The following RBFOX1 variants were observed in gnomAD, a reference collection of about 807,000 sequenced individuals.
The protein encoded by RBFOX1 is RNA binding fox-1 homolog 1.
A neutral mutation model predicts 57.7 loss-of-function variants in RBFOX1; 8 were observed. That is an observed-to-expected ratio of 0.14 (90% CI 0.08 to 0.25). The LOEUF (loss-of-function observed/expected upper bound fraction) is 0.25. RBFOX1 is among the 10% of genes least tolerant of loss of function. The probability of loss-of-function intolerance (pLI) is 1.00; values close to 1 mark genes in which losing one functional copy is unlikely to be tolerated. For missense variants in RBFOX1, 611 were observed against 548.5 expected (o/e 1.11, Z -1.14); for synonymous variants, 326 against 222.4 (o/e 1.47, Z -4.15).
chr16:6,822,970 G>C (rs889827119), intron 3 of RBFOX1, among the ~76,000 whole-genome samples: 2 of 152,174 alleles, frequency 1.3e-5, no homozygotes, highest in Non-Finnish European at 2.9e-5. Context: ...AAAAAACGAT[G>C]ATCCCTAACA....
At chr16:6,768,370 T>C (rs1219020656) in intron 3 of RBFOX1, among the ~76,000 whole-genome samples, 2 of 152,088 alleles carry the variant, frequency 1.3e-5, no homozygotes, top group African/African-American at 4.8e-5. Context: ...GTAGATGGTG[T>C]AGTTTTCTTA....
intron 4 of RBFOX1, among the ~76,000 whole-genome samples, chr16:7,093,410 C>A (rs550284119): frequency 6.6e-6 from 1 of 152,138 alleles, no homozygotes; most frequent in Admixed American, 6.5e-5. Flanking sequence ...GCATACCCAG[C>A]CCACTTCTTC....
Position 5,768,037 on chromosome 16 carries a change from A to G in RBFOX1, c.319-99266A>G, listed in dbSNP as rs187974011. Among the ~76,000 whole-genome samples the G allele has an allele frequency of 7.0e-4, 107 of 152,294 alleles. 1 individual carries two copies. The South Asian group carries it at 0.018, about 26-fold the overall frequency. On this transcript the variant is annotated intron_variant, in intron 3 of 19. Coordinates refer to the RBFOX1 transcript ENST00000641259. ...AATGTATAGCTCACCCAGCTATGCA[A>G]TTATCCAAAAATAACCCATTTCTAT...
intron 3 of RBFOX1, among the ~76,000 whole-genome samples, chr16:6,676,522 C>T (rs1034133185): frequency 3.9e-5 from 6 of 152,060 alleles, no homozygotes; most frequent in African/African-American, 1.4e-4. Flanking sequence ...GATCATTACA[C>T]ATTCTATGCA....
At position 7,191,054 on chromosome 16, in the gene RBFOX1, C is replaced by T. The variant is rs886833799; in HGVS notation, c.27+138956C>T. ...TAGATGATCAATCCTATTCGGGGACCCCTTGGATGTGAGTGTGATATCATT... is the reference window on the plus strand; with the variant it reads ...TAGATGATCAATCCTATTCGGGGACTCCTTGGATGTGAGTGTGATATCATT... On this transcript the variant is annotated intron_variant, in intron 4 of 15. Transcript: ENST00000550418. 3.9e-5 allele frequency among the ~76,000 whole-genome samples: 6 copies of T among 151,996 alleles called. No individual in the cohort carries two copies. The South Asian group carries it at 6.2e-4, about 16-fold the overall frequency.
chr16:7,083,635 A>T (rs1470712291), intron 4 of RBFOX1, among the ~76,000 whole-genome samples: 1 of 152,090 alleles, frequency 6.6e-6, no homozygotes, highest in Admixed American at 6.6e-5. Flanking sequence ...TACATTATTC[A>T]TTTTTAATCA....
chr16:6,556,004 G>GTCCT (rs1281548145), intron 2 of RBFOX1, among the ~76,000 whole-genome samples: 1 of 151,988 alleles, frequency 6.6e-6, no homozygotes, highest in East Asian at 1.9e-4. Flanking sequence ...ACATTTTTTT[G>GTCCT]TCCTTGGTAA....
intron 2 of RBFOX1, among the ~76,000 whole-genome samples, chr16:6,489,510 G>A (rs1308781817): frequency 6.6e-6 from 1 of 152,086 alleles, no homozygotes; most frequent in Non-Finnish European, 1.5e-5. Context: ...GCTTCTAAGT[G>A]GCAGAGCTGG....
intron 3 of RBFOX1, among the ~76,000 whole-genome samples, chr16:6,997,518 G>T (rs1240505437): frequency 2.0e-5 from 3 of 152,156 alleles, no homozygotes; most frequent in Non-Finnish European, 2.9e-5. Context: ...GTTGAAGTCT[G>T]AATTGCTTTC....
intron 3 of RBFOX1, among the ~76,000 whole-genome samples, chr16:5,756,238 A>C (rs1328097814): frequency 2.7e-5 from 4 of 150,856 alleles, no homozygotes; most frequent in African/African-American, 9.7e-5. Context: ...AAAAAAAAAA[A>C]AAAAAAAAAA....
At chr16:5,392,434 T>TG (rs1293808786) in intron 1 of RBFOX1, among the ~76,000 whole-genome samples, 1 of 152,164 alleles carries the variant, frequency 6.6e-6, no homozygotes, top group African/African-American at 2.4e-5. Flanking sequence ...TTGGATATCT[T>TG]TAGGCAGTGT....
chr16:6,694,831 A>T (rs1195500667), intron 3 of RBFOX1, among the ~76,000 whole-genome samples: 1 of 152,084 alleles, frequency 6.6e-6, no homozygotes, highest in Non-Finnish European at 1.5e-5. Context: ...CAGTGATTGG[A>T]CAGACCTGGT....
chr16:7,017,451 A>C (rs537320300), intron 3 of RBFOX1, among the ~76,000 whole-genome samples: 145 of 152,206 alleles, frequency 9.5e-4, no homozygotes, highest in Non-Finnish European at 1.5e-3. Flanking sequence ...TTAGCATGCA[A>C]CGCACACACT....
chr16:5,302,331 A>G (rs1245728764), intron 1 of RBFOX1, among the ~76,000 whole-genome samples: 2 of 152,188 alleles, frequency 1.3e-5, no homozygotes, highest in African/African-American at 4.8e-5. Flanking sequence ...GTTTAATGAG[A>G]CTAGCTTTAT....
intron 10 of RBFOX1, among the ~76,000 whole-genome samples, chr16:7,626,355 G>A (rs537590625): frequency 3.9e-5 from 6 of 152,320 alleles, no homozygotes; most frequent in South Asian, 2.1e-4. Flanking sequence ...GGGTTCCGAT[G>A]CCCCATCTGA....
chr16:6,415,975 C>T (rs1415720623), intron 2 of RBFOX1, among the ~76,000 whole-genome samples: 2 of 152,168 alleles, frequency 1.3e-5, no homozygotes, highest in African/African-American at 2.4e-5. Flanking sequence ...TCACAATATC[C>T]CATTGTTAAC....
intron 1 of RBFOX1, among the ~76,000 whole-genome samples, chr16:6,314,041 A>C (rs2152769481): frequency 6.6e-6 from 1 of 152,286 alleles, no homozygotes; most frequent in East Asian, 1.9e-4. Flanking sequence ...TGTAGGTTGG[A>C]TTAAGACCAG....
At chr16:5,850,488 A>G (rs1180107997) in intron 3 of RBFOX1, among the ~76,000 whole-genome samples, 1 of 152,256 alleles carries the variant, frequency 6.6e-6, no homozygotes, top group Non-Finnish European at 1.5e-5. Flanking sequence ...CTAACAAAGT[A>G]GCACTAGTAG....
At chr16:6,845,277 C>G (rs1293245249) in intron 3 of RBFOX1, among the ~76,000 whole-genome samples, 1 of 151,916 alleles carries the variant, frequency 6.6e-6, no homozygotes, top group Non-Finnish European at 1.5e-5. Flanking sequence ...ATGGTATTGC[C>G]TAGGTTTTTT....
Sources: allele counts gnomAD v4.1 joint callset (sites outside exome capture counted in the v4.1 genomes callset), GRCh38; gene constraint gnomAD v4.1.1; transcripts MANE v1.5; gene names NCBI Gene and HGNC (gene_info 2026-07-23, HGNC 2026-07-21).